Variants in CSMD1 observed in about 807,000 individuals in gnomAD.
CSMD1 encodes CUB and sushi domain-containing protein 1.
A neutral mutation model predicts 417.5 loss-of-function variants in CSMD1; 213 were observed. That is an observed-to-expected ratio of 0.51 (90% confidence interval 0.46 to 0.57). The LOEUF is 0.57. CSMD1 is among the 20% of genes least tolerant of loss of function. The probability of loss-of-function intolerance (pLI) is 0.00; values close to 1 mark genes in which losing one functional copy is unlikely to be tolerated. For synonymous variants in CSMD1, 2,862 were observed against 1,736.8 expected, an observed-to-expected ratio of 1.65 and a Z score of -16.11; for missense variants, 6,923 against 4,529.7, an observed-to-expected ratio of 1.53 and a Z score of -15.17.
intron 5 of CSMD1, among the ~76,000 whole-genome samples, chr8:3,903,308 G>T (rs1331290692): frequency 7.4e-6 from 1 of 135,006 alleles, no homozygotes; most frequent in African/African-American, 2.9e-5. Flanking sequence ...AGAATATCCA[G>T]GATGAATTAA....
rs529041296 is a variant in CSMD1, at chr8:4,601,260, T to G, written c.302+36082A>C. Among the ~76,000 whole-genome samples, 8 of 152,260 alleles carry G rather than the reference T, an allele frequency of 5.3e-5. No homozygotes were observed. In the East Asian group the frequency reaches 1.5e-3, roughly 29 times the overall value. On this transcript the variant is annotated intron_variant, in intron 2 of 69. Coordinates refer to ENST00000635120, the MANE Select transcript of CSMD1 (RefSeq NM_033225.6). ...CGTGAGCCACCGCACCTGGCCAGAT[T>G]TTTTTTAAAAAGCATGAGAATAAGA... is the stretch of plus-strand genomic sequence containing the variant.
chr8:4,634,494 T>C (rs1802712915), intron 2 of CSMD1, among the ~76,000 whole-genome samples: 1 of 152,216 alleles, frequency 6.6e-6, no homozygotes, highest in Non-Finnish European at 1.5e-5. Flanking sequence ...TTTAAACTTC[T>C]AAAAATAGCT....
chr8:4,827,076 G>T (rs759088743), intron 1 of CSMD1, among the ~76,000 whole-genome samples: 1 of 152,076 alleles, frequency 6.6e-6, no homozygotes, highest in South Asian at 2.1e-4. Flanking sequence ...AAAAAATTAA[G>T]TCCATGTTCT....
chr8:3,564,203 C>G (rs1044635770), intron 10 of CSMD1, among the ~76,000 whole-genome samples: 2 of 152,086 alleles, frequency 1.3e-5, no homozygotes, highest in Admixed American at 1.3e-4. Context: ...TTATCATTAA[C>G]TATAATTTTC....
chr8:4,186,450 C>T (rs149945168), intron 3 of CSMD1, among the ~76,000 whole-genome samples: 28 of 152,078 alleles, frequency 1.8e-4, no homozygotes, highest in African/African-American at 6.5e-4. Context: ...AGGTTTCCAC[C>T]TTGTAAAATA....
Position 4,186,005 on chromosome 8 carries a change from A to C in CSMD1, c.416-153906T>G, listed in dbSNP as rs143842171. Reference sequence around the variant, plus strand: ...ACAAGTCCACCTATGTTTTGTTATGATCTGATACATACAAATCCCTAGGTA... The same window carrying C: ...ACAAGTCCACCTATGTTTTGTTATGCTCTGATACATACAAATCCCTAGGTA... On this transcript the variant is annotated intron_variant, in intron 3 of 69. Coordinates refer to ENST00000635120, the MANE Select transcript of CSMD1 (RefSeq NM_033225.6). Among the ~76,000 whole-genome samples, 821 of 152,290 alleles carry C rather than the reference A, an allele frequency of 5.4e-3. 5 individuals are homozygous for C. The highest frequency in any genetic ancestry group is 0.018 in the South Asian group (85 of 4,820).
At chr8:3,038,038 T>C (rs1423860036) in intron 50 of CSMD1, among the ~76,000 whole-genome samples, 1 of 152,204 alleles carries the variant, frequency 6.6e-6, no homozygotes, top group Admixed American at 6.5e-5. Flanking sequence ...GGCTTTCTTA[T>C]TTTTTATACT....
intron 1 of CSMD1, among the ~76,000 whole-genome samples, chr8:4,711,036 A>G (rs907599274): frequency 5.3e-5 from 8 of 152,056 alleles, no homozygotes; most frequent in South Asian, 2.1e-4. Flanking sequence ...CTAGTTAGCA[A>G]CTAAAGAAAA....
chr8:4,531,820 C>A (rs1267879762), intron 2 of CSMD1, among the ~76,000 whole-genome samples: 1 of 152,190 alleles, frequency 6.6e-6, no homozygotes, highest in Non-Finnish European at 1.5e-5. Context: ...AATCCCTTTT[C>A]AGAAACTTTT....
chr8:3,928,994 G>A (rs1476903776), intron 5 of CSMD1, among the ~76,000 whole-genome samples: 2 of 150,456 alleles, frequency 1.3e-5, no homozygotes, highest in Admixed American at 6.6e-5. Flanking sequence ...CATTGTATAA[G>A]AAATCTTACC....
intron 10 of CSMD1, among the ~76,000 whole-genome samples, chr8:3,573,638 C>G (rs182951199): frequency 6.6e-5 from 10 of 152,240 alleles, no homozygotes. Context: ...TTTACGGAAT[C>G]TAAAATCAGA....
intron 57 of CSMD1, among the ~76,000 whole-genome samples, chr8:2,971,853 A>G (rs1176227571): frequency 2.0e-5 from 3 of 152,192 alleles, no homozygotes; most frequent in Non-Finnish European, 4.4e-5. Context: ...TATTTGACCT[A>G]AGACAACTTT....
chr8:4,089,776 G>A (rs1319231711), intron 3 of CSMD1, among the ~76,000 whole-genome samples: 4 of 152,006 alleles, frequency 2.6e-5, no homozygotes, highest in Admixed American at 6.6e-5. Flanking sequence ...TTTTGTTATG[G>A]GCAATAATGC....
chr8:3,785,816 A>T (rs1474251626), intron 5 of CSMD1, among the ~76,000 whole-genome samples: 2 of 152,182 alleles, frequency 1.3e-5, no homozygotes. Flanking sequence ...AGCTATGTTG[A>T]AGAGCTTCTT....
chr8:3,829,688 T>G (rs1159509090), intron 5 of CSMD1, among the ~76,000 whole-genome samples: 1 of 152,206 alleles, frequency 6.6e-6, no homozygotes, highest in Non-Finnish European at 1.5e-5. Flanking sequence ...TTAACATGCT[T>G]GAGAAATATT....
intron 1 of CSMD1, among the ~76,000 whole-genome samples, chr8:4,855,526 G>C (rs941555501): frequency 1.3e-5 from 2 of 152,076 alleles, no homozygotes; most frequent in Non-Finnish European, 2.9e-5. Context: ...AAAAAATTTA[G>C]AAGAATGTAT....
intron 3 of CSMD1, among the ~76,000 whole-genome samples, chr8:4,310,185 C>G (rs543864741): frequency 6.6e-6 from 1 of 152,216 alleles, no homozygotes; most frequent in South Asian, 2.1e-4. Flanking sequence ...CATAAAGAAA[C>G]AATGGTAATC....
chr8:4,538,726 G>C (rs775497503), intron 2 of CSMD1, among the ~76,000 whole-genome samples: 2 of 152,152 alleles, frequency 1.3e-5, no homozygotes, highest in African/African-American at 4.8e-5. Flanking sequence ...ATCCTAGCAA[G>C]TAAACCTCCA....
At chr8:3,481,108 AT>A (rs1817718630) in intron 11 of CSMD1, among the ~76,000 whole-genome samples, 1 of 142,150 alleles carries the variant, frequency 7.0e-6, no homozygotes, top group African/African-American at 2.6e-5. Flanking sequence ...GTGAGCCCAG[AT>A]TAGCCACTGC....
Sources: gnomAD v4.1 joint callset for allele counts (sites outside exome capture counted in the v4.1 genomes callset) on GRCh38, gnomAD v4.1.1 for gene constraint, MANE v1.5 for transcripts, NCBI Gene and HGNC (gene_info 2026-07-23, HGNC 2026-07-21) for gene names.